The following NMUR1 variants were observed in gnomAD, a reference collection of about 807,000 sequenced individuals.
The protein encoded by NMUR1 is neuromedin U receptor 1.
A neutral mutation model predicts 18.8 loss-of-function variants in NMUR1; 16 were observed. The observed-to-expected ratio is 0.85, with a 90% CI of 0.58 to 1.29. NMUR1 has a LOEUF of 1.29. Ranked by LOEUF, NMUR1 falls within the 50% of genes most tolerant of loss-of-function variation. The pLI, the probability that NMUR1 is intolerant of heterozygous loss-of-function variation, is 0.00. For synonymous variants in NMUR1, 258 were observed against 258.2 expected (o/e 1.00, Z 0.01); for missense variants, 529 against 580.3 (o/e 0.91, Z 0.91).
At chr2:231,522,611 C>T (rs2047315287), downstream of NMUR1, among the ~76,000 whole-genome samples, 2 of 151,742 alleles carry the variant, frequency 1.3e-5, no homozygotes, top group South Asian at 4.2e-4. Flanking sequence ...CTCCCCTATC[C>T]CCCACCCTCC....
chr2:231,521,973 C>CTCTCTTTTT (rs71396675), downstream of NMUR1, among the ~76,000 whole-genome samples: 143 of 83,860 alleles, frequency 1.7e-3, no homozygotes, highest in Non-Finnish European at 1.9e-3. Context: ...TTTTTTTTCT[C>CTCTCTTTTT]TTTTTTTTTT....
rs372054599 is a variant in NMUR1, at chr2:231,525,375, G to A, written c.949C>T (p.Arg317Cys). ...TGTGACACGACGCTCCACATGACGC[G>A]GTCGGCGTGGAACGGGGCCCAGCAG... The part of the protein sequence containing the change: ...GICWAPFHAD[R>C]VMWSVVSQWT... The change falls in exon 3 of 3, where the codon CGC becomes TGC. Residue 317 changes from arginine to cysteine, a missense_variant. Physicochemically the swap from Arg to Cys is radical, Grantham distance 180. Coordinates refer to ENST00000305141, the MANE Select transcript of NMUR1 (RefSeq NM_006056.5). 2.0e-5 allele frequency: 32 copies of A among 1,613,850 alleles called. No homozygotes were observed. The highest frequency in any genetic ancestry group is 8.0e-5 in the African/African-American group (6 of 74,932).
At chr2:231,530,248 G>T in intron 1 of NMUR1, 111 bp downstream of exon 1, 1 of 1,292,228 alleles carries the variant, frequency 7.7e-7, no homozygotes, top group Non-Finnish European at 1.0e-6. Context: ...GCGGGGACGG[G>T]GGGCACCCCG....
Position 231,529,020 on chromosome 2 carries a change from G to T in NMUR1, c.4-3C>A, listed in dbSNP as rs542071246. 3.8e-6 allele frequency: 6 copies of T among 1,596,074 alleles called. No homozygotes were observed. Among genetic ancestry groups the T allele is most frequent in the Non-Finnish European group, 4.3e-6 (5 of 1,169,054 alleles). ...GAGCAATTGAGGCAGAGAGGAGTCT[G>T]TGGAACAGAGGGGAGAGATGCCCAG... On this transcript the variant is annotated splice_polypyrimidine_tract_variant and splice_region_variant and intron_variant, in intron 1 of 2. Transcript: ENST00000305141.
rs2047401563 is a variant in NMUR1, at chr2:231,530,258, G to C, written c.3+101C>G. The C allele has an allele frequency of 2.9e-6, 4 of 1,362,884 alleles. No homozygotes were observed. In the Admixed American group the frequency reaches 9.8e-5, roughly 34 times the overall value. The allele number at this position is 1,362,884 out of a possible 1,614,324, so 84.4% of individuals were successfully genotyped here. A position where few individuals can be genotyped will look rare whatever the true frequency, so the allele number is the denominator to read the frequency against. Reference sequence around the variant, plus strand: ...CGGTGGCGGGGACGGGGGGCACCCCGACGGAGCCCTCGGACCCTTCCCGCC... The same window carrying C: ...CGGTGGCGGGGACGGGGGGCACCCCCACGGAGCCCTCGGACCCTTCCCGCC... On this transcript the variant is annotated intron_variant, in intron 1 of 2. Coordinates refer to ENST00000305141, the MANE Select transcript of NMUR1 (RefSeq NM_006056.5).
chr2:231,521,973 C>CTCTCTCTTTT (rs71396675), downstream of NMUR1, among the ~76,000 whole-genome samples: 4 of 83,826 alleles, frequency 4.8e-5, no homozygotes, highest in East Asian at 3.2e-4. Context: ...TTTTTTTTCT[C>CTCTCTCTTTT]TTTTTTTTTT....
chr2:231,528,178 G>C lies in NMUR1; in HGVS notation c.843C>G (p.Tyr281Ter), dbSNP rs781282455. 2 of 1,595,044 alleles carry C rather than the reference G, an allele frequency of 1.3e-6. No homozygotes were observed. Among genetic ancestry groups the C allele is most frequent in the Admixed American group, 3.5e-5 (2 of 57,926 alleles). The change falls in exon 2 of 3, where the codon TAC (tyrosine) becomes TAG (stop). Residue 281 changes from tyrosine to a stop codon, truncating the protein, a stop_gained. Coordinates refer to ENST00000305141, the MANE Select transcript of NMUR1 (RefSeq NM_006056.5). LOFTEE classifies it high-confidence loss of function. ...GRGSAAARSR[Y>*]TCRLQQHDRG... The stretch of plus-strand genomic sequence containing the variant: ...GATCGTGCTGCTGGAGCCTGCAGGT[G>C]TATCTGGACCTGGCTGCTGCAGAGC...
chr2:231,525,336 G>T lies in NMUR1; in HGVS notation c.988C>A (p.Leu330Met). The change falls in exon 3 of 3, where the codon CTG (leucine) becomes ATG (methionine). Residue 330 changes from leucine to methionine, a missense_variant. Leu to Met is a conservative substitution (Grantham distance 15). Coordinates refer to ENST00000305141, the MANE Select transcript of NMUR1 (RefSeq NM_006056.5). ...WSVVSQWTDG[L>M]HLAFQHVHVI... ...TGCACGTGCTGGAAGGCCAGGTGCAGGCCATCTGTCCACTGTGACACGACG... is the reference window on the plus strand; with the variant it reads ...TGCACGTGCTGGAAGGCCAGGTGCATGCCATCTGTCCACTGTGACACGACG... The T allele has an allele frequency of 6.2e-7, 1 of 1,613,902 alleles. No individual in the cohort carries two copies. Among genetic ancestry groups the T allele is most frequent in the Non-Finnish European group, 8.5e-7 (1 of 1,179,968 alleles).
At chr2:231,527,400 T>C (rs1335034090) in intron 2 of NMUR1, among the ~76,000 whole-genome samples, 1 of 152,024 alleles carries the variant, frequency 6.6e-6, no homozygotes, top group Non-Finnish European at 1.5e-5. Flanking sequence ...CCCAGCACTT[T>C]GGGAGGCTGA....
At chr2:231,519,917 C>G (rs755241273), downstream of NMUR1, among the ~76,000 whole-genome samples, 1 of 152,068 alleles carries the variant, frequency 6.6e-6, no homozygotes, top group Non-Finnish European at 1.5e-5. Flanking sequence ...CATAGTGAGA[C>G]CCTGTCTCTA....
rs1005207101 is a variant in NMUR1, at chr2:231,524,801, G to C, written c.*242C>G. 4.2e-6 allele frequency: 2 copies of C among 470,776 alleles called. No homozygotes were observed. The highest frequency in any genetic ancestry group is 3.7e-6 in the Non-Finnish European group (1 of 268,846). The allele number at this position is 470,776 out of a possible 1,614,324, so 29.2% of individuals were successfully genotyped here. A position where few individuals can be genotyped will look rare whatever the true frequency, so the allele number is the denominator to read the frequency against. ...TTTCTGCAGGGTAAGGATTTGAACT[G>C]GGGGAGTGGCAGTGGACAGATAAGA... On this transcript the variant is annotated 3_prime_UTR_variant, in exon 3 of 3. Transcript: ENST00000305141.
At chr2:231,522,526 A>G (rs1261321614), downstream of NMUR1, among the ~76,000 whole-genome samples, 8 of 151,500 alleles carry the variant, frequency 5.3e-5, no homozygotes, top group Admixed American at 4.6e-4. Flanking sequence ...GGCAGCACTC[A>G]GGTGCTCACG....
Position 231,528,354 on chromosome 2 carries a change from G to A in NMUR1, c.667C>T (p.Arg223Cys), listed in dbSNP as rs147387907. 9.5e-5 allele frequency: 153 copies of A among 1,613,460 alleles called. No homozygotes were observed. The highest frequency in any genetic ancestry group is 1.3e-4 in the Non-Finnish European group (150 of 1,179,798). The change falls in exon 2 of 3, where the codon CGC becomes TGC. Residue 223 changes from arginine to cysteine, a missense_variant. Arg to Cys is a radical substitution (Grantham distance 180). Transcript: ENST00000305141. ...VPDSAVCMLV[R>C]PRALYNMVVQ... The stretch of plus-strand genomic sequence containing the variant: ...ACCATGTTGTAGAGGGCCCGTGGGC[G>A]GACCAGCATGCAAACAGCTGAGTCT...
chr2:231,525,424 A>G lies in NMUR1; in HGVS notation c.900T>C (p.Phe300=), dbSNP rs2047346889. The part of the protein sequence containing the change: ...RGRRQVTKML[F]VLVVVFGICW... ...AGATGCCAAACACCACGACCAGGAC[A>G]ACTGCAGGGACAGAGAAGGGAGGCC... The change falls in exon 3 of 3, where the codon TTT becomes TTC. Residue 300 remains phenylalanine, a splice_region_variant and synonymous_variant. Transcript: ENST00000305141. 1.9e-6 allele frequency: 3 copies of G among 1,607,650 alleles called. No individual in the cohort carries two copies. Among genetic ancestry groups the G allele is most frequent in the Non-Finnish European group, 1.7e-6 (2 of 1,176,088 alleles).
chr2:231,526,046 T>A (rs2047353792), intron 2 of NMUR1, among the ~76,000 whole-genome samples: 1 of 152,094 alleles, frequency 6.6e-6, no homozygotes, highest in African/African-American at 2.4e-5. Flanking sequence ...CATCTGAATG[T>A]CTTGCCCTGC....
At chr2:231,518,874 C>G (rs542876451), downstream of NMUR1, among the ~76,000 whole-genome samples, 1 of 152,196 alleles carries the variant, frequency 6.6e-6, no homozygotes, top group Non-Finnish European at 1.5e-5. Flanking sequence ...AGGCTCTCCA[C>G]CTCCTCCCCT....
At position 231,530,351 on chromosome 2, in the gene NMUR1, G is replaced by A; in HGVS notation, c.3+8C>T. 6.7e-7 allele frequency: 1 copy of A among 1,491,820 alleles called. No individual in the cohort carries two copies. Among genetic ancestry groups the A allele is most frequent in the Non-Finnish European group, 8.9e-7 (1 of 1,128,120 alleles). The allele number at this position is 1,491,820 out of a possible 1,614,324, so 92.4% of individuals were successfully genotyped here. On this transcript the variant is annotated splice_region_variant and intron_variant, in intron 1 of 2. Coordinates refer to ENST00000305141, the MANE Select transcript of NMUR1 (RefSeq NM_006056.5). The stretch of plus-strand genomic sequence containing the variant: ...CGCCCTAGCCCACGCCGGCGCCTGC[G>A]CACCTACCATGCGGCCCGCGGCCCG...
downstream of NMUR1, among the ~76,000 whole-genome samples, chr2:231,521,822 C>A (rs917254596): frequency 6.6e-6 from 1 of 152,070 alleles, no homozygotes; most frequent in Admixed American, 6.5e-5. Context: ...CTTGCTTCTG[C>A]CCTTTCCATT....
chr2:231,521,973 CTT>C (rs10625236), downstream of NMUR1, among the ~76,000 whole-genome samples: 13 of 83,848 alleles, frequency 1.6e-4, no homozygotes, highest in African/African-American at 3.4e-4. Context: ...TTTTTTTTCT[CTT>C]TTTTTTTTTT....
Sources: gnomAD v4.1 joint callset for allele counts (sites outside exome capture counted in the v4.1 genomes callset) on GRCh38, gnomAD v4.1.1 for gene constraint, MANE v1.5 for transcripts, NCBI Gene and HGNC (gene_info 2026-07-23, HGNC 2026-07-21) for gene names.